OTOGL: variants seen among roughly 807,000 people sequenced by gnomAD.
OTOGL encodes the protein otogelin-like protein.
In OTOGL, 285 loss-of-function variants were observed where a neutral mutation model predicts 318.5. The observed-to-expected ratio is 0.89, with a 90% CI of 0.81 to 0.99. OTOGL has a LOEUF of 0.99. Ranked by LOEUF, OTOGL falls within the 50% of genes least tolerant of loss-of-function variation. The pLI is 0.00. For missense variants in OTOGL, 2,899 were observed against 2,845.6 expected (o/e 1.02, Z -0.43); for synonymous variants, 987 against 936.5 (o/e 1.05, Z -0.99).
intron 1 of OTOGL, among the ~76,000 whole-genome samples, chr12:80,116,301 A>G (rs534923523): frequency 6.6e-6 from 1 of 152,010 alleles, no homozygotes; most frequent in East Asian, 1.9e-4. Flanking sequence ...TGGATAGGGG[A>G]GAGAGTTCCC....
At chr12:80,357,051 G>T in intron 49 of OTOGL, 137 bp downstream of exon 49, 1 of 473,160 alleles carries the variant, frequency 2.1e-6, no homozygotes, top group African/African-American at 2.0e-5. Context: ...GAGAACTCTT[G>T]TAAAGAAAGT....
intron 44 of OTOGL, among the ~76,000 whole-genome samples, chr12:80,344,283 T>C (rs1381339856): frequency 6.6e-6 from 1 of 152,182 alleles, no homozygotes; most frequent in Non-Finnish European, 1.5e-5. Flanking sequence ...AGGTTGGTTA[T>C]ATCAGGAAAC....
chr12:80,203,673 G>A (rs1876614258), intron 1 of OTOGL, among the ~76,000 whole-genome samples: 1 of 152,212 alleles, frequency 6.6e-6, no homozygotes, highest in Non-Finnish European at 1.5e-5. Flanking sequence ...GTAGCGGGTA[G>A]TGAGATTTTT....
chr12:80,308,709 A>T (rs1406162151), intron 29 of OTOGL, among the ~76,000 whole-genome samples: 1 of 152,214 alleles, frequency 6.6e-6, no homozygotes, highest in Non-Finnish European at 1.5e-5. Context: ...CTCCGTCTGC[A>T]ATCCCGGCAC....
At chr12:80,284,786 G>T (rs1378498561) in intron 26 of OTOGL, among the ~76,000 whole-genome samples, 1 of 152,074 alleles carries the variant, frequency 6.6e-6, no homozygotes, top group African/African-American at 2.4e-5. Flanking sequence ...TTAGACCTTT[G>T]TCAGATGGAT....
chr12:80,100,970 C>G (rs182767260), intron 1 of OTOGL, among the ~76,000 whole-genome samples: 87 of 152,076 alleles, frequency 5.7e-4, no homozygotes, highest in African/African-American at 2.0e-3. Context: ...TTTTTAAAAG[C>G]CTGTATTCTT....
chr12:80,353,409 G>A lies in OTOGL; in HGVS notation c.5492G>A (p.Gly1831Glu). ...ARTCLNQWFY[G>E]HTSCLNLRED... ...ACATGCCTGAACCAATGGTTCTATG[G>A]ACACACTTCCTGTTTGAATCTAAGA... The change falls in exon 46 of 59, where the codon GGA becomes GAA. Residue 1831 changes from glycine (G) to glutamate (E), a missense_variant. Coordinates refer to ENST00000547103, the MANE Select transcript of OTOGL (RefSeq NM_001378609.3). 6.2e-7 allele frequency: 1 copy of A among 1,603,558 alleles called. No homozygotes were observed. Among genetic ancestry groups the A allele is most frequent in the Non-Finnish European group, 8.5e-7 (1 of 1,174,596 alleles).
Position 80,191,300 on chromosome 12 carries a change from C to T in OTOGL, c.-19-18113C>T, listed in dbSNP as rs1324321387. On this transcript the variant is annotated intron_variant, in intron 1 of 58. Coordinates refer to ENST00000547103, the MANE Select transcript of OTOGL (RefSeq NM_001378609.3). ...TAAAAACACAAAAATTAGCCAGGCG[C>T]GGGGGTGGGCAGCTGTAATCCCAGC... Among the ~76,000 whole-genome samples, 4 of 151,936 alleles carry T rather than the reference C, an allele frequency of 2.6e-5. No individual in the cohort carries two copies. The South Asian group carries it at 6.3e-4, about 24-fold the overall frequency.
At chr12:80,307,877 C>T (rs1194121842) in intron 29 of OTOGL, among the ~76,000 whole-genome samples, 43 of 138,884 alleles carry the variant, frequency 3.1e-4, no homozygotes, top group Middle Eastern at 7.8e-3. Flanking sequence ...GCTGACCCCC[C>T]CACCTCCCTC....
intron 26 of OTOGL, among the ~76,000 whole-genome samples, chr12:80,282,797 C>T (rs1005919724): frequency 3.3e-5 from 5 of 151,750 alleles, no homozygotes; most frequent in Non-Finnish European, 7.4e-5. Context: ...TATTTAGGTG[C>T]CTCTGACACT....
At position 80,308,859 on chromosome 12, in the gene OTOGL, C is replaced by G. The variant is rs189429746; in HGVS notation, c.3334-1752C>G. ...GCGCGCGCCTGCAATCGCAGGCACT[C>G]GGCAAGCTGAGGCAGGAGAATCAGG... On this transcript the variant is annotated intron_variant, in intron 29 of 58. Coordinates refer to ENST00000547103, the MANE Select transcript of OTOGL (RefSeq NM_001378609.3). 2.4e-3 allele frequency among the ~76,000 whole-genome samples: 365 copies of G among 152,040 alleles called. 1 individual carries two copies. The highest frequency in any genetic ancestry group is 0.015 in the East Asian group (77 of 5,138).
intron 1 of OTOGL, among the ~76,000 whole-genome samples, chr12:80,156,157 A>G (rs1873101473): frequency 6.6e-6 from 1 of 152,206 alleles, no homozygotes; most frequent in Admixed American, 6.5e-5. Context: ...CTCAATCTGG[A>G]TGGGCACAAT....
chr12:80,285,532 G>T (rs1438421848), intron 26 of OTOGL, among the ~76,000 whole-genome samples: 1 of 151,984 alleles, frequency 6.6e-6, no homozygotes, highest in Admixed American at 6.6e-5. Context: ...TTTTCCATTT[G>T]CTTGTGTCCT....
intron 11 of OTOGL, among the ~76,000 whole-genome samples, chr12:80,243,745 TA>T (rs1301175435): frequency 6.7e-6 from 1 of 149,782 alleles, no homozygotes; most frequent in African/African-American, 2.4e-5. Flanking sequence ...TCGAAGCCCT[TA>T]GACTATAGAA....
Position 80,355,814 on chromosome 12 carries a change from A to G in OTOGL, c.5672A>G (p.Lys1891Arg). The change falls in exon 47 of 59, where the codon AAA becomes AGA. Residue 1891 changes from lysine to arginine, a missense_variant. Lys to Arg is a conservative substitution (Grantham distance 26, BLOSUM62 2). Around this residue, in one of 3 missense-constraint regions of OTOGL, gnomAD observed 2,607 missense variants for 2,524.9 expected, o/e 1.03. Transcript: ENST00000547103. ...GGCATTGATGAATGCACTCTATACA[A>G]ATGTTTGGAGAATGGAAGCATTATC... Reference protein sequence around the residue: ...NGGIDECTLYKCLENGSIIPI... With the variant: ...NGGIDECTLYRCLENGSIIPI... The G allele has an allele frequency of 1.2e-6, 2 of 1,613,894 alleles. No individual in the cohort carries two copies. The highest frequency in any genetic ancestry group is 1.7e-6 in the Non-Finnish European group (2 of 1,179,838).
chr12:80,162,884 C>A (rs1873608128), intron 1 of OTOGL, among the ~76,000 whole-genome samples: 2 of 151,802 alleles, frequency 1.3e-5, no homozygotes, highest in African/African-American at 4.8e-5. Context: ...ACTCATGCAC[C>A]CCTTGCCCCC....
intron 11 of OTOGL, among the ~76,000 whole-genome samples, chr12:80,246,339 C>T (rs538488364): frequency 4.9e-4 from 71 of 145,508 alleles, no homozygotes; most frequent in South Asian, 3.0e-3. Context: ...TACGTCCCAT[C>T]AATACCTAAT....
At chr12:80,115,363 G>C (rs569817356) in intron 1 of OTOGL, among the ~76,000 whole-genome samples, 1 of 152,198 alleles carries the variant, frequency 6.6e-6, no homozygotes, top group Admixed American at 6.5e-5. Flanking sequence ...CTCTTCTGCA[G>C]GTCTGCTGGA....
chr12:80,251,392 A>G (rs970189918), intron 11 of OTOGL, among the ~76,000 whole-genome samples: 5 of 152,244 alleles, frequency 3.3e-5, no homozygotes, highest in East Asian at 1.9e-4. Context: ...GGAAAATGTT[A>G]TAATTAAAAT....
Sources: allele counts gnomAD v4.1 joint callset (sites outside exome capture counted in the v4.1 genomes callset), GRCh38; gene constraint gnomAD v4.1.1; regional missense constraint gnomAD v4.1.1; transcripts MANE v1.5; gene names NCBI Gene and HGNC (gene_info 2026-07-23, HGNC 2026-07-21).